Variants in LYPLAL1 observed in about 807,000 individuals in gnomAD.
LYPLAL1 encodes the protein lysophospholipase like 1, also known as lysophospholipase-like protein 1.
Under a neutral mutation model 19.7 loss-of-function variants are expected in LYPLAL1, and 23 were observed. The observed-to-expected ratio is 1.17, with a 90% CI of 0.84 to 1.65. LYPLAL1 has a LOEUF of 1.65. Among genes scored for constraint, LYPLAL1 ranks in the 40% most tolerant of loss-of-function variants. The pLI, the probability that LYPLAL1 is intolerant of heterozygous loss-of-function variation, is 0.00. For synonymous variants in LYPLAL1, 119 were observed against 96.3 expected (o/e 1.24, Z -1.38); for missense variants, 355 against 279.4 (o/e 1.27, Z -1.93).
At chr1:219,276,730 A>G in the LYPLAL1 span, among the ~76,000 whole-genome samples, 1 of 152,192 alleles carries the variant, frequency 6.6e-6, no homozygotes, top group Non-Finnish European at 1.5e-5. Context: ...GTTTGGCCCC[A>G]TTTTTACATG....
chr1:219,362,627 A>G, the LYPLAL1 span, among the ~76,000 whole-genome samples: 1 of 152,136 alleles, frequency 6.6e-6, no homozygotes, highest in African/African-American at 2.4e-5. Flanking sequence ...ATCTCAACGT[A>G]CCTGCAGGAA....
At chr1:219,329,233 A>G in the LYPLAL1 span, among the ~76,000 whole-genome samples, 1 of 152,172 alleles carries the variant, frequency 6.6e-6, no homozygotes, top group Non-Finnish European at 1.5e-5. Flanking sequence ...ACTCTACTTA[A>G]TGAAAAGAGA....
the LYPLAL1 span, among the ~76,000 whole-genome samples, chr1:219,348,385 G>A: frequency 1.3e-5 from 2 of 152,150 alleles, no homozygotes; most frequent in African/African-American, 2.4e-5. Flanking sequence ...AATTCGTGTG[G>A]GTCTGTAAAT....
the LYPLAL1 span, among the ~76,000 whole-genome samples, chr1:219,304,037 C>T: frequency 6.6e-6 from 1 of 152,152 alleles, no homozygotes; most frequent in African/African-American, 2.4e-5. Context: ...TAAATATTTA[C>T]AATGATTTAC....
chr1:219,223,228 GTTGT>G, the LYPLAL1 span: 1 of 152,026 alleles, frequency 6.6e-6, no homozygotes, highest in Middle Eastern at 3.2e-3. Context: ...CATTTGGGTA[GTTGT>G]TTGGATGTCT....
the LYPLAL1 span, among the ~76,000 whole-genome samples, chr1:219,433,694 T>C: frequency 6.6e-6 from 1 of 152,372 alleles, no homozygotes; most frequent in East Asian, 1.9e-4. Context: ...TTGGCTGTTC[T>C]GTGCAGCTGG....
chr1:219,211,627 A>T lies in LYPLAL1; in HGVS notation c.613A>T (p.Ser205Cys). 6.2e-7 allele frequency: 1 copy of T among 1,613,506 alleles called. No homozygotes were observed. Among genetic ancestry groups the T allele is most frequent in the Non-Finnish European group, 8.5e-7 (1 of 1,179,564 alleles). Reference protein sequence around the residue: ...KSLGVTTKFHSFPNVYHELSK... With the variant: ...KSLGVTTKFHCFPNVYHELSK... ...TCTAGGAGTGACCACGAAGTTTCAT[A>T]GTTTTCCAAATGTTTACCATGAGCT... Residue 205 changes from serine (S) to cysteine (C), a missense_variant, in exon 5 of 5, where the codon AGT becomes TGT. Physicochemically the swap from Ser to Cys is moderately radical, Grantham distance 112. Transcript: ENST00000366928.
chr1:219,246,156 G>A, the LYPLAL1 span, among the ~76,000 whole-genome samples: 2 of 152,056 alleles, frequency 1.3e-5, no homozygotes, highest in Non-Finnish European at 2.9e-5. Flanking sequence ...CCCCATGAAA[G>A]AGAATGGAGT....
At chr1:219,250,553 T>G in the LYPLAL1 span, among the ~76,000 whole-genome samples, 1 of 151,822 alleles carries the variant, frequency 6.6e-6, no homozygotes, top group East Asian at 1.9e-4. Context: ...TATTATTTCA[T>G]CAGACATTAT....
the LYPLAL1 span, among the ~76,000 whole-genome samples, chr1:219,228,731 G>A: frequency 2.6e-5 from 4 of 152,104 alleles, no homozygotes; most frequent in East Asian, 5.8e-4. Context: ...CTAGGCTGGA[G>A]TGCAATGGCG....
chr1:219,417,354 A>C, the LYPLAL1 span, among the ~76,000 whole-genome samples: 3 of 152,208 alleles, frequency 2.0e-5, no homozygotes, highest in Non-Finnish European at 2.9e-5. Context: ...AAAAATAGAA[A>C]CTTGAAAAAC....
the LYPLAL1 span, among the ~76,000 whole-genome samples, chr1:219,413,394 A>G: frequency 6.6e-6 from 1 of 152,190 alleles, no homozygotes; most frequent in African/African-American, 2.4e-5. Flanking sequence ...CCACTGATCC[A>G]TGTACCAGAT....
chr1:219,399,592 G>A, the LYPLAL1 span, among the ~76,000 whole-genome samples: 1 of 152,132 alleles, frequency 6.6e-6, no homozygotes, highest in African/African-American at 2.4e-5. Flanking sequence ...GGAGCAGGGG[G>A]GTTGGTGCAT....
the LYPLAL1 span, among the ~76,000 whole-genome samples, chr1:219,329,984 A>G: frequency 4.8e-3 from 728 of 152,222 alleles, 6 homozygotes; most frequent in African/African-American, 0.017. Flanking sequence ...TTTATATAGC[A>G]GAGGACAGCA....
chr1:219,372,725 C>A, the LYPLAL1 span, among the ~76,000 whole-genome samples: 2 of 151,978 alleles, frequency 1.3e-5, no homozygotes, highest in Non-Finnish European at 2.9e-5. Flanking sequence ...CATGGTGAAA[C>A]CCTGCCTCTA....
chr1:219,323,383 T>A, the LYPLAL1 span, among the ~76,000 whole-genome samples: 2 of 152,296 alleles, frequency 1.3e-5, no homozygotes, highest in East Asian at 3.9e-4. Flanking sequence ...TCTCATTATG[T>A]GGCCTTCATT....
rs73096783 is a variant in LYPLAL1, at chr1:219,193,297, T to C, written c.361+46T>C. 4,466 of 1,477,688 alleles carry C rather than the reference T, an allele frequency of 3.0e-3. 111 individuals are homozygous for C. The African/African-American group carries it at 0.054, about 18-fold the overall frequency. 91.5% of individuals were successfully genotyped at this position (1,477,688 alleles called of 1,614,324 possible). A position where few individuals can be genotyped will look rare whatever the true frequency, so the allele number is the denominator to read the frequency against. ...TAATTTATCACTGTTCACTTTTGTCTAATTCTATACATCAAATCTTACTTG... is the reference window on the plus strand; with the variant it reads ...TAATTTATCACTGTTCACTTTTGTCCAATTCTATACATCAAATCTTACTTG... On this transcript the variant is annotated intron_variant, in intron 3 of 4. Coordinates refer to ENST00000366928, the MANE Select transcript of LYPLAL1 (RefSeq NM_138794.5).
downstream of LYPLAL1, among the ~76,000 whole-genome samples, chr1:219,215,824 G>A (rs1487898366): frequency 1.3e-5 from 2 of 152,088 alleles, no homozygotes; most frequent in African/African-American, 4.8e-5. Flanking sequence ...AATGTCCACT[G>A]CTTTTGAAAA....
At chr1:219,182,295 T>C (rs1437069185) in intron 2 of LYPLAL1, among the ~76,000 whole-genome samples, 2 of 152,170 alleles carry the variant, frequency 1.3e-5, no homozygotes, top group Non-Finnish European at 2.9e-5. Context: ...ATGGTGTACT[T>C]TGCTGTTTTA....
Sources: allele counts gnomAD v4.1 joint callset (sites outside exome capture counted in the v4.1 genomes callset), GRCh38; gene constraint gnomAD v4.1.1; transcripts MANE v1.5; gene names NCBI Gene and HGNC (gene_info 2026-07-23, HGNC 2026-07-21).